TXNDC12: variants seen among roughly 807,000 people sequenced by gnomAD.
The protein encoded by TXNDC12 is thioredoxin domain-containing protein 12.
TXNDC12 carries 22 observed loss-of-function variants against 24.2 expected under a neutral mutation model. The ratio of observed to expected loss-of-function variants is 0.91; its 90% CI spans 0.65 to 1.30. The LOEUF (loss-of-function observed/expected upper bound fraction) is 1.30, where lower values mean the gene tolerates loss of function less well. Ranked by LOEUF, TXNDC12 falls within the 50% of genes most tolerant of loss-of-function variation. The pLI, the probability that TXNDC12 is intolerant of heterozygous loss-of-function variation, is 0.00. For synonymous variants in TXNDC12, 58 were observed against 73.4 expected (o/e 0.79, Z 1.07); for missense variants, 184 against 205.8 (o/e 0.89, Z 0.65).
intron 5 of TXNDC12, 100 bp from the exon 6 acceptor site, chr1:52,023,674 C>A: frequency 1.2e-6 from 1 of 864,076 alleles, no homozygotes; most frequent in South Asian, 1.4e-5. Context: ...ATAAGATCTG[C>A]CCATATTTGC....
At chr1:52,032,402 G>T in intron 2 of TXNDC12, 1 of 1,151,732 alleles carries the variant, frequency 8.7e-7, no homozygotes, top group Non-Finnish European at 1.1e-6. Flanking sequence ...AATGGTCAAT[G>T]CTCTGTGATA....
chr1:52,027,312 G>A lies in TXNDC12; in HGVS notation c.248C>T (p.Ser83Leu). 1 of 1,613,422 alleles carries A rather than the reference G, an allele frequency of 6.2e-7. No individual in the cohort carries two copies. The change falls in exon 4 of 7, where the codon TCA becomes TTA. Residue 83 changes from serine (S) to leucine (L), a missense_variant. Ser to Leu is a moderately radical substitution (Grantham distance 145). Transcript: ENST00000371626. ...KPKFAESTEI[S>L]ELSHNFVMVN... ...CATAACAAAATTATGGGAGAGTTCT[G>A]AAATTTCCGTAGATTCTGCAAATTT...
chr1:52,054,363 T>C (rs1172504683), intron 1 of TXNDC12, among the ~76,000 whole-genome samples: 1 of 152,202 alleles, frequency 6.6e-6, no homozygotes, highest in Non-Finnish European at 1.5e-5. Context: ...AGAATGGAGA[T>C]GTAGGTAATG....
At chr1:52,023,673 GC>G in intron 5 of TXNDC12, 99 bp from the exon 6 acceptor site, 1 of 862,608 alleles carries the variant, frequency 1.2e-6, no homozygotes, top group Admixed American at 1.9e-5. Context: ...AATAAGATCT[GC>G]CCATATTTGC....
At chr1:52,034,255 A>G (rs1023448448) in intron 2 of TXNDC12, among the ~76,000 whole-genome samples, 1 of 152,214 alleles carries the variant, frequency 6.6e-6, no homozygotes, top group Non-Finnish European at 1.5e-5. Flanking sequence ...CAAAAGATAA[A>G]AGGTCTGAAT....
At chr1:52,035,044 A>G (rs1343706109) in intron 2 of TXNDC12, among the ~76,000 whole-genome samples, 1 of 152,152 alleles carries the variant, frequency 6.6e-6, no homozygotes, top group African/African-American at 2.4e-5. Context: ...GGTTAAAGGC[A>G]TGAGCCACTG....
intron 6 of TXNDC12, among the ~76,000 whole-genome samples, chr1:52,021,498 C>T (rs1685596380): frequency 7.0e-6 from 1 of 142,430 alleles, no homozygotes; most frequent in African/African-American, 2.6e-5. Context: ...GGGGGTGTCT[C>T]TACTGAAGGG....
chr1:52,023,501 A>G lies in TXNDC12; in HGVS notation c.429T>C (p.Ser143=). Residue 143 remains serine, a synonymous_variant, in exon 6 of 7, where the codon AGT becomes AGC. Coordinates refer to ENST00000371626, the MANE Select transcript of TXNDC12 (RefSeq NM_015913.4). ...GNPSYKYFYV[S]AEQVVQGMKE... ...TCAGCATAACTATACCTTGCTCGGC[A>G]CTGACATAAAAATACTTGTAGCTGG... 1 of 1,613,786 alleles carries G rather than the reference A, an allele frequency of 6.2e-7. No homozygotes were observed. Among genetic ancestry groups the G allele is most frequent in the Non-Finnish European group, 8.5e-7 (1 of 1,179,674 alleles).
chr1:52,033,635 C>A (rs776914995), intron 2 of TXNDC12: 1 of 1,611,946 alleles, frequency 6.2e-7, no homozygotes, highest in Non-Finnish European at 8.5e-7. Flanking sequence ...GGGTCCTCTG[C>A]GCCCAGGACA....
In TXNDC12 at chr1:52,041,541, C is replaced by A. The variant is rs201120216; in HGVS notation, c.154G>T (p.Ala52Ser). The change falls in exon 2 of 7, where the codon GCC becomes TCC. Residue 52 changes from alanine to serine, a missense_variant. By Grantham distance (99) the Ala-to-Ser change is moderately conservative. Coordinates refer to ENST00000371626, the MANE Select transcript of TXNDC12 (RefSeq NM_015913.4). The stretch of plus-strand genomic sequence containing the variant: ...ACCTAAAACCATGTCTTGTACCTGG[C>A]AGCTGCTTCTTTCTTCCCATCTTCC... ...TLEDGKKEAA[A>S]SGLPLMVIIH... 1 of 1,610,694 alleles carries A rather than the reference C, an allele frequency of 6.2e-7. No individual in the cohort carries two copies. Among genetic ancestry groups the A allele is most frequent in the Non-Finnish European group, 8.5e-7 (1 of 1,177,412 alleles).
chr1:52,044,799 C>A (rs192845706), intron 1 of TXNDC12, among the ~76,000 whole-genome samples: 1 of 152,120 alleles, frequency 6.6e-6, no homozygotes, highest in Non-Finnish European at 1.5e-5. Flanking sequence ...CATGGTGAAA[C>A]CCTGTCTCTA....
chr1:52,029,517 A>T (rs929033646), intron 2 of TXNDC12, among the ~76,000 whole-genome samples: 4 of 152,330 alleles, frequency 2.6e-5, no homozygotes, highest in African/African-American at 9.6e-5. Flanking sequence ...GGTAGCCATT[A>T]GCTTTCTCCA....
At chr1:52,038,278 G>T (rs1475720152) in intron 2 of TXNDC12, among the ~76,000 whole-genome samples, 1 of 151,288 alleles carries the variant, frequency 6.6e-6, no homozygotes, top group East Asian at 1.9e-4. Context: ...TTCATCTGCT[G>T]CCTCTTGGTC....
intron 1 of TXNDC12, among the ~76,000 whole-genome samples, chr1:52,043,643 A>G (rs1293002660): frequency 6.6e-6 from 1 of 152,242 alleles, no homozygotes; most frequent in Non-Finnish European, 1.5e-5. Context: ...AAAACTTAGC[A>G]TAGTGCTTAG....
In TXNDC12 at chr1:52,036,713, A is replaced by T. The variant is rs12042469; in HGVS notation, c.158+4824T>A. Among the ~76,000 whole-genome samples the T allele has an allele frequency of 0.01, 1,547 of 152,320 alleles. 80 individuals are homozygous for T. In the East Asian group the frequency reaches 0.13, roughly 13 times the overall value. Reference sequence around the variant, plus strand: ...TCAAAAGCAGCTCTAAATAATTAGAACCTTCTGCCAGATCTGTTTTCTGGC... The same window carrying T: ...TCAAAAGCAGCTCTAAATAATTAGATCCTTCTGCCAGATCTGTTTTCTGGC... On this transcript the variant is annotated intron_variant, in intron 2 of 6. Transcript: ENST00000371626.
At chr1:52,027,463 T>G (rs1685686709) in intron 3 of TXNDC12, 115 bp from the exon 4 acceptor site, 1 of 800,878 alleles carries the variant, frequency 1.2e-6, no homozygotes, top group African/African-American at 1.7e-5. Context: ...TTTAGTTGAT[T>G]CATATAACAA....
intron 2 of TXNDC12, among the ~76,000 whole-genome samples, chr1:52,037,293 A>C (rs1572005376): frequency 6.7e-6 from 1 of 149,462 alleles, no homozygotes; most frequent in East Asian, 2.0e-4. Context: ...GCTCACTGCA[A>C]CCTCCACCTC....
At chr1:52,056,164 C>T (rs576565116), upstream of TXNDC12, 148 of 152,550 alleles carry the variant, frequency 9.7e-4, no homozygotes, top group Non-Finnish European at 1.8e-3. Flanking sequence ...CCTGCCGCCA[C>T]TAGCACTAAG....
At chr1:52,043,897 A>C (rs573642135) in intron 1 of TXNDC12, 3 of 152,236 alleles carry the variant, frequency 2.0e-5, no homozygotes, top group Non-Finnish European at 4.4e-5. Context: ...GGTCATCCAG[A>C]TGAGCACATG....
Sources: allele counts gnomAD v4.1 joint callset (sites outside exome capture counted in the v4.1 genomes callset), GRCh38; gene constraint gnomAD v4.1.1; transcripts MANE v1.5; gene names NCBI Gene and HGNC (gene_info 2026-07-23, HGNC 2026-07-21).